Variants in PTGER3 observed in about 807,000 individuals in gnomAD.
PTGER3 encodes prostaglandin E receptor 3, also known as prostaglandin E2 receptor EP3 subtype.
A neutral mutation model predicts 34.7 loss-of-function variants in PTGER3; 22 were observed. The ratio of observed to expected loss-of-function variants is 0.63; its 90% CI spans 0.45 to 0.91. PTGER3 has a LOEUF of 0.91. Among genes scored for constraint, PTGER3 ranks in the 40% least tolerant of loss-of-function variants. The pLI, the probability that PTGER3 is intolerant of heterozygous loss-of-function variation, is 0.00. For missense variants in PTGER3, 468 were observed against 519.4 expected (o/e 0.90, Z 0.96); for synonymous variants, 241 against 230.1 (o/e 1.05, Z -0.43).
chr1:70,944,981 T>C (rs1650090688), intron 4 of PTGER3, among the ~76,000 whole-genome samples: 1 of 152,122 alleles, frequency 6.6e-6, no homozygotes, highest in Admixed American at 6.6e-5. Flanking sequence ...ACCAGTGCAG[T>C]AGCCTCCTGA....
At chr1:70,951,002 A>G (rs1650710079), downstream of PTGER3, 1 of 152,238 alleles carries the variant, frequency 6.6e-6, no homozygotes, top group Non-Finnish European at 1.5e-5. Context: ...GGCGTAAGCC[A>G]CTGTGCCAGG....
chr1:70,923,415 C>T (rs1014836118), intron 4 of PTGER3, among the ~76,000 whole-genome samples: 1 of 152,126 alleles, frequency 6.6e-6, no homozygotes, highest in Non-Finnish European at 1.5e-5. Flanking sequence ...TTATCATCCA[C>T]AGACAATTTT....
intron 4 of PTGER3, among the ~76,000 whole-genome samples, chr1:70,897,176 A>G (rs1646739254): frequency 1.3e-5 from 2 of 152,140 alleles, no homozygotes; most frequent in Admixed American, 1.3e-4. Context: ...GGCAAGCTAC[A>G]TAAGAGGAGG....
chr1:71,008,693 T>C (rs747439698), intron 2 of PTGER3: 4 of 982,214 alleles, frequency 4.1e-6, no homozygotes, highest in Non-Finnish European at 4.8e-6. Context: ...AGTTGCACAA[T>C]TCTGCACATT....
rs1363538662 is a variant in PTGER3 at position 70,971,732 on chromosome 1, A to T, written c.1171T>A (p.Ter391LysextTer1). 1.3e-6 allele frequency: 2 copies of T among 1,550,010 alleles called. No homozygotes were observed. The highest frequency in any genetic ancestry group is 1.7e-6 in the Non-Finnish European group (2 of 1,143,496). Residue 391 changes from the stop codon to lysine, a stop_lost and splice_region_variant, in exon 4 of 4, where the codon TAA becomes AAA. Coordinates refer to ENST00000306666, the MANE Select transcript of PTGER3 (RefSeq NM_198719.2). The part of the protein sequence containing the change: ...TLMWSDHLER[*>K] Reference sequence around the variant, plus strand: ...AAATGTCCAACTCCGTTCTTTCATTATCTGTTAGAATAGAGAGAGAAAGAT... The same window carrying T: ...AAATGTCCAACTCCGTTCTTTCATTTTCTGTTAGAATAGAGAGAGAAAGAT...
chr1:70,860,521 G>A (rs1247020396), intron 4 of PTGER3, among the ~76,000 whole-genome samples: 1 of 152,084 alleles, frequency 6.6e-6, no homozygotes, highest in Admixed American at 6.5e-5. Context: ...TGGATGTATA[G>A]CTTACATTTA....
Position 71,018,270 on chromosome 1 carries a change from C to A in PTGER3, c.898-5786G>T, listed in dbSNP as rs868304125. On this transcript the variant is annotated intron_variant, in intron 1 of 3. Coordinates refer to ENST00000306666, the MANE Select transcript of PTGER3 (RefSeq NM_198719.2). ...TAGGAAGCTTCTTTAAATTTTTTTA[C>A]TTTCCTAGGAAACTTAAAAATAAAT... Among the ~76,000 whole-genome samples the A allele has an allele frequency of 5.5e-4, 84 of 152,058 alleles. No homozygotes were observed. The South Asian group carries it at 6.2e-3, about 11-fold the overall frequency.
intron 1 of PTGER3, among the ~76,000 whole-genome samples, chr1:71,033,603 A>G (rs2300179): frequency 0.11 from 16,291 of 152,198 alleles, 1,118 homozygotes; most frequent in East Asian, 0.23. Context: ...CATTGTATGG[A>G]CTCAATAAAC....
At chr1:70,977,122 G>A (rs1209775785) in intron 2 of PTGER3, among the ~76,000 whole-genome samples, 1 of 152,048 alleles carries the variant, frequency 6.6e-6, no homozygotes, top group African/African-American at 2.4e-5. Context: ...TTGGAGGGAG[G>A]GTCGGTGTTG....
At chr1:71,019,384 A>G (rs1658201577) in intron 1 of PTGER3, among the ~76,000 whole-genome samples, 1 of 152,204 alleles carries the variant, frequency 6.6e-6, no homozygotes, top group Non-Finnish European at 1.5e-5. Flanking sequence ...ACGGAGCTGC[A>G]GCTGTTCTGT....
At chr1:70,996,742 C>T (rs1314080979) in intron 2 of PTGER3, among the ~76,000 whole-genome samples, 1 of 151,796 alleles carries the variant, frequency 6.6e-6, no homozygotes, top group Non-Finnish European at 1.5e-5. Flanking sequence ...CGGCTCACTG[C>T]AAGCTCCGCC....
intron 4 of PTGER3, among the ~76,000 whole-genome samples, chr1:70,938,875 G>C (rs1421999174): frequency 2.0e-5 from 3 of 152,092 alleles, no homozygotes; most frequent in Admixed American, 2.0e-4. Context: ...AAACCATATG[G>C]AAAATTCCAC....
chr1:70,884,754 T>A (rs1192637263), intron 4 of PTGER3, among the ~76,000 whole-genome samples: 2 of 152,232 alleles, frequency 1.3e-5, no homozygotes, highest in African/African-American at 4.8e-5. Context: ...GGTCTTATCA[T>A]GTGTGTCCCT....
intron 4 of PTGER3, among the ~76,000 whole-genome samples, chr1:70,933,996 G>C (rs769676547): frequency 3.3e-5 from 5 of 152,076 alleles, no homozygotes; most frequent in African/African-American, 4.8e-5. Context: ...GGAAGAATAG[G>C]ATGGCTCCTG....
At chr1:70,973,906 C>T (rs796746902) in intron 3 of PTGER3, among the ~76,000 whole-genome samples, 2 of 152,052 alleles carry the variant, frequency 1.3e-5, no homozygotes, top group East Asian at 1.9e-4. Context: ...ATCAAAAATG[C>T]GACTGAGAGT....
intron 4 of PTGER3, among the ~76,000 whole-genome samples, chr1:70,876,997 C>A (rs572136419): frequency 6.6e-6 from 1 of 152,242 alleles, no homozygotes; most frequent in African/African-American, 2.4e-5. Context: ...TGAAGAATTT[C>A]ATTGGTAGTT....
chr1:70,872,466 T>G (rs964713963), intron 4 of PTGER3, among the ~76,000 whole-genome samples: 9 of 152,350 alleles, frequency 5.9e-5, no homozygotes, highest in African/African-American at 1.7e-4. Context: ...ACTGACTATG[T>G]TCCAGGTACT....
chr1:70,928,045 A>T (rs1023867368), intron 4 of PTGER3, among the ~76,000 whole-genome samples: 2 of 151,656 alleles, frequency 1.3e-5, no homozygotes, highest in Non-Finnish European at 2.9e-5. Context: ...TATGTAAATA[A>T]AGTACTGTTT....
intron 2 of PTGER3, among the ~76,000 whole-genome samples, chr1:70,995,017 A>G (rs1185441071): frequency 6.6e-6 from 1 of 152,132 alleles, no homozygotes; most frequent in Non-Finnish European, 1.5e-5. Context: ...AATCACCCAC[A>G]GCTCACTGTA....
Sources: allele counts gnomAD v4.1 joint callset (sites outside exome capture counted in the v4.1 genomes callset), GRCh38; gene constraint gnomAD v4.1.1; transcripts MANE v1.5; gene names NCBI Gene and HGNC (gene_info 2026-07-23, HGNC 2026-07-21).